Variants in NOTUM observed in about 807,000 individuals in gnomAD.
NOTUM encodes palmitoleoyl-protein carboxylesterase NOTUM.
In NOTUM, 36 loss-of-function variants were observed where a neutral mutation model predicts 65.5. That is an observed-to-expected ratio of 0.55 (90% CI 0.42 to 0.73). The LOEUF (loss-of-function observed/expected upper bound fraction) is 0.73. Among genes scored for constraint, NOTUM ranks in the 30% least tolerant of loss-of-function variants. NOTUM has a pLI of 0.00. For synonymous variants in NOTUM, 356 were observed against 297.9 expected, an observed-to-expected ratio of 1.20 and a Z score of -2.01; for missense variants, 659 against 694.2, an observed-to-expected ratio of 0.95 and a Z score of 0.57.
chr17:81,955,596 C>G (rs1251751182), intron 8 of NOTUM, 52 bp from the exon 9 acceptor site: 7 of 1,567,724 alleles, frequency 4.5e-6, no homozygotes, highest in Middle Eastern at 2.3e-4. Flanking sequence ...CTGCTGCCCC[C>G]ACCCCAGGCT....
At chr17:81,959,381 G>T in intron 3 of NOTUM, 90 bp downstream of exon 3, 3 of 995,380 alleles carry the variant, frequency 3.0e-6, no homozygotes, top group South Asian at 3.0e-5. Flanking sequence ...ATGATGTGCG[G>T]GGTGGGGGCC....
intron 9 of NOTUM, among the ~76,000 whole-genome samples, 166 bp downstream of exon 9, chr17:81,955,231 T>C (rs1016653355): frequency 2.0e-5 from 3 of 152,206 alleles, no homozygotes; most frequent in Admixed American, 6.5e-5. Flanking sequence ...TCCACCTGCA[T>C]GGGCCTCCCA....
At chr17:81,958,889 C>A (rs374805414) in intron 4 of NOTUM, 46 bp downstream of exon 4, 422 of 1,482,548 alleles carry the variant, frequency 2.8e-4, no homozygotes, top group South Asian at 2.6e-3. Context: ...CCGGGAAGAA[C>A]CACCCTCCAG....
chr17:81,953,091 T>C lies in NOTUM; in HGVS notation c.1361A>G (p.Asp454Gly). ...HCNPSCPTVR[D>G]QFTGQEMNVA... Reference sequence around the variant, plus strand: ...GTTCATCTCTTGCCCCGTGAACTGGTCTCGGACGGTGGGGCATGAGGGGTT... The same window carrying C: ...GTTCATCTCTTGCCCCGTGAACTGGCCTCGGACGGTGGGGCATGAGGGGTT... The change falls in exon 11 of 11, where the codon GAC (aspartate) becomes GGC (glycine). Residue 454 changes from aspartate (D) to glycine (G), a missense_variant. By Grantham distance (94) the Asp-to-Gly change is moderately conservative (BLOSUM62 -1). Coordinates refer to ENST00000409678, the MANE Select transcript of NOTUM (RefSeq NM_178493.6). 1 of 1,613,918 alleles carries C rather than the reference T, an allele frequency of 6.2e-7. No homozygotes were observed. Among genetic ancestry groups the C allele is most frequent in the East Asian group, 2.2e-5 (1 of 44,890 alleles).
At position 81,956,941 on chromosome 17, in the gene NOTUM, T is replaced by G; in HGVS notation, c.829A>C (p.Thr277Pro). 2 of 1,613,252 alleles carry G rather than the reference T, an allele frequency of 1.2e-6. No individual in the cohort carries two copies. Among genetic ancestry groups the G allele is most frequent in the Non-Finnish European group, 1.7e-6 (2 of 1,179,928 alleles). The change falls in exon 7 of 11, where the codon ACA (threonine) becomes CCA (proline). Residue 277 changes from threonine to proline, a missense_variant. Coordinates refer to ENST00000409678, the MANE Select transcript of NOTUM (RefSeq NM_178493.6). ...CACGTGATCGTGTCGACGCAGTCTG[T>G]GTGGCGATACTGCTTGTTGTCCAGG... ...WFLDNKQYRH[T>P]DCVDTITCAP...
rs1382849146 is a variant in NOTUM at position 81,954,263 on chromosome 17, T to C, written c.1177A>G (p.Ile393Val). The stretch of plus-strand genomic sequence containing the variant: ...CGGAGCAGGGACACTGACCTCCGGA[T>C]GATGATCTCATGGGAGAGGCAGGCG... ...APACLSHEII[I>V]RSHWTDVQVK... Residue 393 changes from isoleucine to valine, a missense_variant, in exon 10 of 11, where the codon ATC becomes GTC. Ile to Val is a conservative substitution (Grantham distance 29). Coordinates refer to ENST00000409678, the MANE Select transcript of NOTUM (RefSeq NM_178493.6). The C allele has an allele frequency of 1.2e-6, 2 of 1,612,344 alleles. No individual in the cohort carries two copies. The highest frequency in any genetic ancestry group is 2.2e-5 in the East Asian group (1 of 44,890).
At chr17:81,958,852 G>A (rs1461867602) in intron 4 of NOTUM, 83 bp downstream of exon 4, 2 of 1,056,078 alleles carry the variant, frequency 1.9e-6, no homozygotes, top group Non-Finnish European at 2.9e-6. Context: ...GACCATTTCA[G>A]AATATGACTT....
chr17:81,959,321 A>G lies in NOTUM; in HGVS notation c.472+150T>C, dbSNP rs565340502. The G allele has an allele frequency of 1.7e-5, 11 of 646,834 alleles. No individual in the cohort carries two copies. The East Asian group carries it at 2.5e-4, about 14-fold the overall frequency. The allele number at this position is 646,834 out of a possible 1,614,324, so 40.1% of individuals were successfully genotyped here. On this transcript the variant is annotated intron_variant, in intron 3 of 10. Coordinates refer to ENST00000409678, the MANE Select transcript of NOTUM (RefSeq NM_178493.6). ...AATGTGGAATGGGCCCCAAAAGGCA[A>G]GAGTGAAGGGCGCCCCTTGCTCTTA...
intron 8 of NOTUM, among the ~76,000 whole-genome samples, 175 bp from the exon 9 acceptor site, chr17:81,955,719 G>GT: frequency 1.0e-5 from 1 of 97,124 alleles, no homozygotes; most frequent in African/African-American, 4.2e-5. Context: ...GCACCCCCAG[G>GT]CCCCTGCAGT....
At chr17:81,958,661 C>A (rs1236263035) in intron 4 of NOTUM, among the ~76,000 whole-genome samples, 1 of 151,560 alleles carries the variant, frequency 6.6e-6, no homozygotes, top group African/African-American at 2.4e-5. Context: ...CAGGATCCCC[C>A]TGGAAGGACC....
chr17:81,953,312 A>G (rs772007953), intron 10 of NOTUM, 45 bp from the exon 11 acceptor site: 7 of 1,320,904 alleles, frequency 5.3e-6, no homozygotes. Flanking sequence ...GCGGAGTGGC[A>G]TCAACACTGA....
intron 5 of NOTUM, 141 bp downstream of exon 5, chr17:81,958,194 A>G: frequency 1.5e-6 from 1 of 671,366 alleles, no homozygotes; most frequent in Non-Finnish European, 2.7e-6. Context: ...GGGCTTTGAA[A>G]GCACGACAAG....
intron 10 of NOTUM, 109 bp from the exon 11 acceptor site, chr17:81,953,376 G>C: frequency 1.5e-6 from 1 of 683,374 alleles, no homozygotes; most frequent in Non-Finnish European, 2.5e-6. Context: ...GCTCACTGCA[G>C]CCTCCGCCTC....
At position 81,952,763 on chromosome 17, in the gene NOTUM, G is replaced by C. The variant is rs534970399; in HGVS notation, c.*198C>G. The C allele has an allele frequency of 7.1e-4, 423 of 599,168 alleles. No homozygotes were observed. The highest frequency in any genetic ancestry group is 1.1e-3 in the Non-Finnish European group (379 of 336,094). The allele number at this position is 599,168 out of a possible 1,614,324, so 37.1% of individuals were successfully genotyped here. ...CAGGCCACAGATGGGGATGACAGCAGGTCCCTTGTCTCTGGCTGGGCTGTG... is the reference window on the plus strand; with the variant it reads ...CAGGCCACAGATGGGGATGACAGCACGTCCCTTGTCTCTGGCTGGGCTGTG... On this transcript the variant is annotated 3_prime_UTR_variant, in exon 11 of 11. Coordinates refer to ENST00000409678, the MANE Select transcript of NOTUM (RefSeq NM_178493.6).
chr17:81,955,170 A>G (rs985289678), intron 9 of NOTUM, among the ~76,000 whole-genome samples: 1 of 151,948 alleles, frequency 6.6e-6, no homozygotes, highest in Non-Finnish European at 1.5e-5. Flanking sequence ...TTGTGGAGAT[A>G]GGGTTTTGCC....
At chr17:81,959,278 G>A (rs753098179) in intron 3 of NOTUM, 193 bp downstream of exon 3, 16 of 613,500 alleles carry the variant, frequency 2.6e-5, no homozygotes, top group Non-Finnish European at 4.0e-5. Flanking sequence ...AGAGCCGCTG[G>A]GTAAGCGCCT....
intron 8 of NOTUM, 92 bp from the exon 9 acceptor site, chr17:81,955,636 T>C (rs1293012084): frequency 1.8e-6 from 2 of 1,115,998 alleles, no homozygotes; most frequent in Admixed American, 5.7e-5. Context: ...GCCCCTGCAG[T>C]GCCCCCACCC....
chr17:81,957,004 C>G lies in NOTUM; in HGVS notation c.766G>C (p.Ala256Pro). The change falls in exon 7 of 11, where the codon GCC (alanine) becomes CCC (proline). Residue 256 changes from alanine to proline, a missense_variant. By Grantham distance (27) the Ala-to-Pro change is conservative. Coordinates refer to ENST00000409678, the MANE Select transcript of NOTUM (RefSeq NM_178493.6). ...AEQLEKLGYP[A>P]IQVRGLADSG... ...TCAGCCAGGCCTCGCACCTGGATGG[C>G]TGGGTAGCCCAGCTTCTCCAGCTGC... 1 of 1,612,290 alleles carries G rather than the reference C, an allele frequency of 6.2e-7. No homozygotes were observed. The highest frequency in any genetic ancestry group is 1.1e-5 in the South Asian group (1 of 91,080).
chr17:81,954,377 C>T, intron 9 of NOTUM, 74 bp from the exon 10 acceptor site: 1 of 1,075,630 alleles, frequency 9.3e-7, no homozygotes, highest in South Asian at 1.4e-5. Flanking sequence ...TCCCCTAGAG[C>T]TGTCCCCCGC....
Sources: allele counts gnomAD v4.1 joint callset (sites outside exome capture counted in the v4.1 genomes callset), GRCh38; gene constraint gnomAD v4.1.1; transcripts MANE v1.5; gene names NCBI Gene and HGNC (gene_info 2026-07-23, HGNC 2026-07-21).